Variants in PDE1A observed in about 807,000 individuals in gnomAD.
PDE1A encodes the protein phosphodiesterase 1A, also known as dual specificity calcium/calmodulin-dependent 3',5'-cyclic nucleotide phosphodiesterase 1A.
In PDE1A, 35 loss-of-function variants were observed where a neutral mutation model predicts 61.7. That is an observed-to-expected ratio of 0.57 (90% CI 0.43 to 0.75). The LOEUF (loss-of-function observed/expected upper bound fraction) is 0.75, where lower values mean the gene tolerates loss of function less well. Among genes scored for constraint, PDE1A ranks in the 30% least tolerant of loss-of-function variants. The pLI, the probability that PDE1A is intolerant of heterozygous loss-of-function variation, is 0.00. For synonymous variants in PDE1A, 232 were observed against 213.2 expected (o/e 1.09, Z -0.77); for missense variants, 597 against 630.6 (o/e 0.95, Z 0.57).
intron 13 of PDE1A, among the ~76,000 whole-genome samples, chr2:182,161,412 G>A (rs912856489): frequency 4.3e-5 from 6 of 138,104 alleles, no homozygotes; most frequent in African/African-American, 1.7e-4. Context: ...CTGATGGGGG[G>A]CATTGAGCTC....
chr2:182,589,038 G>T, the PDE1A span, among the ~76,000 whole-genome samples: 1 of 130,760 alleles, frequency 7.6e-6, no homozygotes, highest in Admixed American at 8.7e-5. Context: ...GTGAAACTCT[G>T]TCTCAAAATA....
intron 1 of PDE1A, among the ~76,000 whole-genome samples, chr2:182,321,628 T>C (rs1696696829): frequency 6.6e-6 from 1 of 152,168 alleles, no homozygotes; most frequent in Non-Finnish European, 1.5e-5. Context: ...TCATTTTAAC[T>C]ACATTGCTGA....
In PDE1A at chr2:182,201,923, T is replaced by C. The variant is rs1283323610; in HGVS notation, c.903-134A>G. 5 of 621,756 alleles carry C rather than the reference T, an allele frequency of 8.0e-6. No homozygotes were observed. In the East Asian group the frequency reaches 1.1e-4, roughly 14 times the overall value. 38.5% of individuals were successfully genotyped at this position (621,756 alleles called of 1,614,324 possible). A position where few individuals can be genotyped will look rare whatever the true frequency, so the allele number is the denominator to read the frequency against. On this transcript the variant is annotated intron_variant, in intron 8 of 13. Transcript: ENST00000351439. ...AACACAAAAGATGCTACTTTTTAAA[T>C]GTGAAAGTCCACACACAAGTTTGAT...
chr2:182,315,137 T>A (rs1472311961), intron 1 of PDE1A, among the ~76,000 whole-genome samples: 1 of 152,200 alleles, frequency 6.6e-6, no homozygotes, highest in Non-Finnish European at 1.5e-5. Flanking sequence ...ACCTTTTAAA[T>A]TGTAAAACTA....
intron 1 of PDE1A, among the ~76,000 whole-genome samples, chr2:182,391,468 G>C (rs1412366014): frequency 6.6e-6 from 1 of 152,322 alleles, no homozygotes; most frequent in South Asian, 2.1e-4. Context: ...TGAAAGGCTA[G>C]AGTGGATTAG....
chr2:182,714,500 A>T, the PDE1A span, among the ~76,000 whole-genome samples: 1 of 152,184 alleles, frequency 6.6e-6, no homozygotes, highest in Non-Finnish European at 1.5e-5. Flanking sequence ...GTATTCAGCC[A>T]TAAGAAGTCA....
chr2:182,315,303 C>A (rs567826412), intron 1 of PDE1A, among the ~76,000 whole-genome samples: 3 of 152,154 alleles, frequency 2.0e-5, no homozygotes, highest in Non-Finnish European at 4.4e-5. Flanking sequence ...TTTATCCATT[C>A]ATTCTTCAAG....
the PDE1A span, among the ~76,000 whole-genome samples, chr2:182,568,775 C>G: frequency 6.6e-6 from 1 of 152,004 alleles, no homozygotes; most frequent in African/African-American, 2.4e-5. Flanking sequence ...AAAATTCATA[C>G]AAGTTTAATT....
chr2:182,596,679 C>CTGGATGGATGGATGGATGGATGGATGGA, the PDE1A span, among the ~76,000 whole-genome samples: 1 of 148,986 alleles, frequency 6.7e-6, no homozygotes, highest in African/African-American at 2.5e-5. Context: ...GAATAATAAA[C>CTGGATGGATGGATGGATGGATGGATGGA]TGGATGGATG....
chr2:182,154,121 G>C (rs1020991992), intron 13 of PDE1A, among the ~76,000 whole-genome samples: 1 of 152,044 alleles, frequency 6.6e-6, no homozygotes, highest in African/African-American at 2.4e-5. Context: ...AAACTATTCT[G>C]GTTGATTGAG....
chr2:182,390,865 T>G (rs115522348), intron 1 of PDE1A, among the ~76,000 whole-genome samples: 2,125 of 152,280 alleles, frequency 0.014, 55 homozygotes, highest in African/African-American at 0.048. Flanking sequence ...CACCTTTCTC[T>G]GAGGAGAACA....
intron 2 of PDE1A, among the ~76,000 whole-genome samples, chr2:182,485,939 A>G (rs1240893344): frequency 6.6e-6 from 1 of 151,970 alleles, no homozygotes; most frequent in Non-Finnish European, 1.5e-5. Context: ...TTTATTATCA[A>G]ACTGGAAGGT....
At chr2:182,348,663 C>A (rs891426853) in intron 1 of PDE1A, among the ~76,000 whole-genome samples, 1 of 151,892 alleles carries the variant, frequency 6.6e-6, no homozygotes, top group Non-Finnish European at 1.5e-5. Flanking sequence ...CATTTCATTT[C>A]ATTCCATTTC....
chr2:182,478,937 C>T, intron 2 of PDE1A, among the ~76,000 whole-genome samples: 1 of 151,864 alleles, frequency 6.6e-6, no homozygotes, highest in African/African-American at 2.4e-5. Flanking sequence ...CTTCTCAAAA[C>T]TAAAATTATA....
intron 1 of PDE1A, among the ~76,000 whole-genome samples, chr2:182,292,988 T>A (rs1574271183): frequency 6.6e-6 from 1 of 152,150 alleles, no homozygotes; most frequent in South Asian, 2.1e-4. Context: ...TTTTTAAAAT[T>A]GAGGTATAAT....
chr2:182,319,309 C>G (rs993969575), intron 1 of PDE1A, among the ~76,000 whole-genome samples: 25 of 152,126 alleles, frequency 1.6e-4, no homozygotes, highest in African/African-American at 5.8e-4. Context: ...TTAACTTTGA[C>G]ATGGATGATG....
chr2:182,260,152 G>T (rs571099669), intron 2 of PDE1A, among the ~76,000 whole-genome samples: 13 of 152,152 alleles, frequency 8.5e-5, no homozygotes, highest in African/African-American at 3.1e-4. Context: ...AATCATTAAG[G>T]CTCTGTATGT....
the PDE1A span, among the ~76,000 whole-genome samples, chr2:182,695,158 G>A: frequency 6.6e-6 from 1 of 152,054 alleles, no homozygotes; most frequent in Non-Finnish European, 1.5e-5. Flanking sequence ...AGCCTGACAT[G>A]TAAGGGGCTT....
intron 7 of PDE1A, among the ~76,000 whole-genome samples, chr2:182,209,753 C>T (rs935536355): frequency 4.6e-5 from 7 of 152,040 alleles, no homozygotes; most frequent in African/African-American, 1.2e-4. Flanking sequence ...GCTTCCCCTT[C>T]GCCCTTCTGC....
Sources: allele counts gnomAD v4.1 joint callset (sites outside exome capture counted in the v4.1 genomes callset), GRCh38; gene constraint gnomAD v4.1.1; transcripts MANE v1.5; gene names NCBI Gene and HGNC (gene_info 2026-07-23, HGNC 2026-07-21).